PRKAG2: variants seen among roughly 807,000 people sequenced by gnomAD.
The protein encoded by PRKAG2 is protein kinase AMP-activated non-catalytic subunit gamma 2.
Under a neutral mutation model 69.6 loss-of-function variants are expected in PRKAG2, and 26 were observed. The observed-to-expected ratio is 0.37, with a 90% CI of 0.27 to 0.52. The LOEUF (loss-of-function observed/expected upper bound fraction) is 0.52. Among genes scored for constraint, PRKAG2 ranks in the 20% least tolerant of loss-of-function variants. PRKAG2 has a pLI of 0.90. For missense variants in PRKAG2, 557 were observed against 740.0 expected (o/e 0.75, Z 2.87); for synonymous variants, 293 against 285.0 (o/e 1.03, Z -0.28).
chr7:151,822,401 C>T (rs1367188437), intron 1 of PRKAG2, among the ~76,000 whole-genome samples: 1 of 152,180 alleles, frequency 6.6e-6, no homozygotes, highest in Non-Finnish European at 1.5e-5. Context: ...ACGATGTACC[C>T]AGCGCTGCCT....
intron 5 of PRKAG2, among the ~76,000 whole-genome samples, chr7:151,596,765 A>G (rs1364106479): frequency 6.7e-6 from 1 of 148,536 alleles, no homozygotes; most frequent in Admixed American, 6.6e-5. Context: ...ATAAAAATAA[A>G]AAAAAAGAGG....
intron 1 of PRKAG2, among the ~76,000 whole-genome samples, chr7:151,817,659 G>A (rs757539818): frequency 6.6e-6 from 1 of 152,192 alleles, no homozygotes; most frequent in Admixed American, 6.5e-5. Context: ...TATCACCAGG[G>A]CCCTCTCCTG....
At chr7:151,743,688 C>G (rs1249170556) in intron 3 of PRKAG2, among the ~76,000 whole-genome samples, 1 of 152,224 alleles carries the variant, frequency 6.6e-6, no homozygotes, top group Non-Finnish European at 1.5e-5. Context: ...CTGAGTTCCT[C>G]CACGAGACTC....
At chr7:151,791,201 T>C (rs1477369546) in intron 1 of PRKAG2, among the ~76,000 whole-genome samples, 1 of 152,116 alleles carries the variant, frequency 6.6e-6, no homozygotes, top group East Asian at 1.9e-4. Context: ...GGCTCTCATC[T>C]CCAGAGCTCA....
At chr7:151,728,494 G>C (rs886379690) in intron 3 of PRKAG2, among the ~76,000 whole-genome samples, 1 of 152,086 alleles carries the variant, frequency 6.6e-6, no homozygotes. Flanking sequence ...GCCAGGCTGC[G>C]GCCCCAACCC....
chr7:151,676,835 TAAG>T (rs761640207), intron 3 of PRKAG2, among the ~76,000 whole-genome samples: 20 of 152,112 alleles, frequency 1.3e-4, no homozygotes, highest in African/African-American at 4.6e-4. Flanking sequence ...GGTGTCCTTA[TAAG>T]AAGAGGAAAA....
intron 4 of PRKAG2, among the ~76,000 whole-genome samples, chr7:151,644,431 A>C (rs536068713): frequency 6.6e-6 from 1 of 152,190 alleles, no homozygotes; most frequent in African/African-American, 2.4e-5. Context: ...TGTATATGGA[A>C]TCATACAGTA....
rs1330249708 is a variant in PRKAG2 at position 151,698,178 on chromosome 7, C to T, written c.467-22541G>A. On this transcript the variant is annotated intron_variant, in intron 3 of 15. Transcript: ENST00000287878. The stretch of plus-strand genomic sequence containing the variant: ...GGAGCTCCCTCGGGAGGAGCGCCGC[C>T]AGCTTGGGGAACTAGGGGTTTGGTC... Among the ~76,000 whole-genome samples, 2 of 152,174 alleles carry T rather than the reference C, an allele frequency of 1.3e-5. 1 individual carries two copies. The highest frequency in any genetic ancestry group is 4.8e-5 in the African/African-American group (2 of 41,454).
chr7:151,718,997 T>C (rs1338988143), intron 3 of PRKAG2, among the ~76,000 whole-genome samples: 1 of 152,192 alleles, frequency 6.6e-6, no homozygotes, highest in Non-Finnish European at 1.5e-5. Context: ...AGATGATTCC[T>C]GTTCTCTCTG....
At chr7:151,827,752 A>AAAAAC (rs2078934665) in intron 1 of PRKAG2, among the ~76,000 whole-genome samples, 1 of 144,646 alleles carries the variant, frequency 6.9e-6, no homozygotes, top group African/African-American at 2.5e-5. Flanking sequence ...AGGTAAAAAA[A>AAAAAC]AAAAAAAAAA....
At chr7:151,608,302 G>A (rs964443226) in intron 5 of PRKAG2, among the ~76,000 whole-genome samples, 1 of 152,186 alleles carries the variant, frequency 6.6e-6, no homozygotes, top group African/African-American at 2.4e-5. Context: ...GTGGCATCCT[G>A]GGAAACTAAT....
At chr7:151,576,209 G>A (rs1808891831) in intron 7 of PRKAG2, 162 bp downstream of exon 7, 2 of 754,672 alleles carry the variant, frequency 2.7e-6, no homozygotes, top group East Asian at 5.5e-5. Flanking sequence ...CCAAAGTGCT[G>A]AGATTACGGG....
intron 5 of PRKAG2, among the ~76,000 whole-genome samples, chr7:151,610,147 C>T (rs143748087): frequency 0.012 from 1,832 of 152,292 alleles, 26 homozygotes; most frequent in African/African-American, 0.042. Flanking sequence ...GGGCGGAACA[C>T]GAGGTCAGGA....
intron 4 of PRKAG2, among the ~76,000 whole-genome samples, chr7:151,646,312 T>C (rs981079368): frequency 2.0e-5 from 3 of 152,350 alleles, no homozygotes; most frequent in Admixed American, 6.5e-5. Context: ...CAATCCATGA[T>C]CATGGCATAT....
At chr7:151,801,501 A>C (rs1287460378) in intron 1 of PRKAG2, among the ~76,000 whole-genome samples, 2 of 152,156 alleles carry the variant, frequency 1.3e-5, no homozygotes, top group African/African-American at 2.4e-5. Context: ...GCAGCCTCAG[A>C]ATGTCTGGAG....
chr7:151,590,592 C>T (rs1361878757), intron 6 of PRKAG2, among the ~76,000 whole-genome samples: 2 of 152,210 alleles, frequency 1.3e-5, no homozygotes, highest in South Asian at 4.1e-4. Flanking sequence ...CTCGAAAGCC[C>T]AGTGACAGGC....
intron 6 of PRKAG2, among the ~76,000 whole-genome samples, chr7:151,584,090 G>A (rs572359420): frequency 2.0e-5 from 3 of 152,298 alleles, no homozygotes; most frequent in South Asian, 4.1e-4. Context: ...ACTCTTCTCC[G>A]TCCAGGCCCA....
At chr7:151,824,688 C>T (rs909448924) in intron 1 of PRKAG2, among the ~76,000 whole-genome samples, 2 of 152,130 alleles carry the variant, frequency 1.3e-5, no homozygotes, top group Non-Finnish European at 1.5e-5. Flanking sequence ...CTTCAGCCTG[C>T]GGTTCCCAAA....
intron 1 of PRKAG2, among the ~76,000 whole-genome samples, chr7:151,826,888 T>G (rs1415155400): frequency 1.3e-5 from 2 of 152,254 alleles, no homozygotes; most frequent in African/African-American, 2.4e-5. Context: ...CAGAATGTGT[T>G]TCTGTATTGC....
Sources: gnomAD v4.1 joint callset for allele counts (sites outside exome capture counted in the v4.1 genomes callset) on GRCh38, gnomAD v4.1.1 for gene constraint, MANE v1.5 for transcripts, NCBI Gene and HGNC (gene_info 2026-07-23, HGNC 2026-07-21) for gene names.